GSN: variants seen among roughly 807,000 people sequenced by gnomAD.
GSN encodes actin-depolymerizing factor.
A neutral mutation model predicts 85.7 loss-of-function variants in GSN; 56 were observed. The ratio of observed to expected loss-of-function variants is 0.65; its 90% CI spans 0.53 to 0.82. The LOEUF is 0.82. Ranked by LOEUF, GSN falls within the 40% of genes least tolerant of loss-of-function variation. GSN has a pLI of 0.00. For synonymous variants in GSN, 373 were observed against 399.1 expected (o/e 0.93, Z 0.78); for missense variants, 857 against 979.8 (o/e 0.87, Z 1.67).
In GSN at chr9:121,316,860, G is replaced by A. The variant is rs73660437; in HGVS notation, c.754-226G>A. Reference sequence around the variant, plus strand: ...CACCCAATTCCCCAAATTTTATCCCGCCCTCCCTTCCCATGTGCAGTTTGT... The same window carrying A: ...CACCCAATTCCCCAAATTTTATCCCACCCTCCCTTCCCATGTGCAGTTTGT... On this transcript the variant is annotated intron_variant, in intron 7 of 17. Coordinates refer to ENST00000432226, the MANE Select transcript of GSN (RefSeq NM_198252.3). Among the ~76,000 whole-genome samples the A allele has an allele frequency of 3.4e-3, 509 of 149,778 alleles. 2 individuals are homozygous for A. The highest frequency in any genetic ancestry group is 0.012 in the African/African-American group (492 of 41,058).
At position 121,321,327 on chromosome 9, in the gene GSN, C is replaced by G. The variant is rs1299082302; in HGVS notation, c.1251C>G (p.Phe417Leu). ...VPVDPATYGQ[F>L]YGGDSYIILY... ...TGGACCCTGCCACATATGGACAGTT[C>G]TATGGAGGCGACAGCTACATCATTC... The change falls in exon 11 of 18, where the codon TTC becomes TTG. Residue 417 changes from phenylalanine to leucine, a missense_variant. Phe to Leu is a conservative substitution (Grantham distance 22). Coordinates refer to ENST00000432226, the MANE Select transcript of GSN (RefSeq NM_198252.3). 1 of 1,613,840 alleles carries G rather than the reference C, an allele frequency of 6.2e-7. No individual in the cohort carries two copies. The highest frequency in any genetic ancestry group is 1.3e-5 in the African/African-American group (1 of 75,028).
rs73660429 is a variant in GSN, at chr9:121,275,073, G to C, written c.-102-6397G>C. Among the ~76,000 whole-genome samples the C allele has an allele frequency of 3.5e-4, 54 of 152,316 alleles. 1 individual carries two copies. In the South Asian group the frequency reaches 0.01, roughly 29 times the overall value. ...GCATTCTTCAGGAGCATCTGAAGCT[G>C]GTTATAAAAAGCTCAGCTGTCCTTT... is the stretch of plus-strand genomic sequence containing the variant. On this transcript the variant is annotated intron_variant, in intron 1 of 17. Transcript: ENST00000432226.
chr9:121,304,946 G>A (rs570467310), intron 4 of GSN, among the ~76,000 whole-genome samples: 1 of 152,304 alleles, frequency 6.6e-6, no homozygotes, highest in East Asian at 1.9e-4. Flanking sequence ...CAGGTGGGGT[G>A]ATGTGGGATC....
At chr9:121,263,491 G>A (rs2055130121), upstream of GSN, among the ~76,000 whole-genome samples, 1 of 152,170 alleles carries the variant, frequency 6.6e-6, no homozygotes, top group Non-Finnish European at 1.5e-5. Flanking sequence ...ACATGGCTGG[G>A]AGGCCTCAGG....
At chr9:121,259,584 C>G (rs999401042) in intron 6 of GSN, among the ~76,000 whole-genome samples, 1 of 152,088 alleles carries the variant, frequency 6.6e-6, no homozygotes, top group Non-Finnish European at 1.5e-5. Context: ...GGCATAGGGG[C>G]ATGGGGTTCA....
Position 121,310,864 on chromosome 9 carries a change from T to C in GSN, c.513+19T>C, listed in dbSNP as rs79969850. The C allele has an allele frequency of 1.4e-3, 2,326 of 1,613,058 alleles. 33 individuals carry two copies. The African/African-American group carries it at 0.027, about 19-fold the overall frequency. On this transcript the variant is annotated intron_variant, in intron 5 of 17. Coordinates refer to ENST00000432226, the MANE Select transcript of GSN (RefSeq NM_198252.3). ...GGGCAACGTGAGTCCTGCTTTCCTC[T>C]TTCCCAGGAGCCACTGAGGTGCTCC... is the stretch of plus-strand genomic sequence containing the variant.
chr9:121,211,609 A>G (rs1038835793), intron 4 of GSN, among the ~76,000 whole-genome samples: 2 of 152,230 alleles, frequency 1.3e-5, no homozygotes, highest in Non-Finnish European at 2.9e-5. Flanking sequence ...GCTTGAGGTT[A>G]GGACTTAGCT....
intron 2 of GSN, among the ~76,000 whole-genome samples, chr9:121,290,254 C>T (rs1308898835): frequency 6.6e-6 from 1 of 152,164 alleles, no homozygotes; most frequent in Non-Finnish European, 1.5e-5. Flanking sequence ...CAGAAGGCAG[C>T]ACCCACACGG....
At position 121,313,943 on chromosome 9, in the gene GSN, C is replaced by T. The variant is rs766073307; in HGVS notation, c.673C>T (p.Pro225Ser). The T allele has an allele frequency of 1.9e-6, 3 of 1,613,808 alleles. No individual in the cohort carries two copies. Among genetic ancestry groups the T allele is most frequent in the East Asian group, 4.5e-5 (2 of 44,902 alleles). The change falls in exon 7 of 18, where the codon CCC (proline) becomes TCC (serine). Residue 225 changes from proline (P) to serine (S), a missense_variant. Physicochemically the swap from Pro to Ser is moderately conservative, Grantham distance 74. Transcript: ENST00000432226. ...TCTCTATCTCCTACAGGTGCTGGGC[C>T]CCAAGCCGGCTCTGCCTGCAGGTAC... ...EPEAMLQVLGPKPALPAGTED... is the reference protein window; with the variant it reads ...EPEAMLQVLGSKPALPAGTED...
At chr9:121,268,417 G>T (rs2055384421) in intron 1 of GSN, among the ~76,000 whole-genome samples, 198 bp downstream of exon 1, 1 of 152,184 alleles carries the variant, frequency 6.6e-6, no homozygotes, top group Admixed American at 6.5e-5. Context: ...GGGAGTTGGG[G>T]GATGGGGAGA....
At chr9:121,205,002 T>C (rs2053859637), upstream of GSN, among the ~76,000 whole-genome samples, 1 of 152,260 alleles carries the variant, frequency 6.6e-6, no homozygotes, top group African/African-American at 2.4e-5. Flanking sequence ...CCTGGATCTG[T>C]TGCTGAAGCC....
intron 5 of GSN, among the ~76,000 whole-genome samples, chr9:121,241,169 T>G (rs2054596381): frequency 6.6e-6 from 1 of 152,176 alleles, no homozygotes; most frequent in African/African-American, 2.4e-5. Flanking sequence ...AAGAATAAAC[T>G]CGGAAAGAAG....
At position 121,234,513 on chromosome 9, in the gene GSN, G is replaced by A. The variant is rs573981853; in HGVS notation, c.-389+3210G>A. On this transcript the variant is annotated intron_variant, in intron 5 of 24. Coordinates refer to the GSN transcript ENST00000373823. ...TGCTCCTGGGTCATGGGTGGGGTCTGTTAGGTGAAGAGTGAATCCCACAGG... is the reference window on the plus strand; with the variant it reads ...TGCTCCTGGGTCATGGGTGGGGTCTATTAGGTGAAGAGTGAATCCCACAGG... 1.0e-3 allele frequency among the ~76,000 whole-genome samples: 159 copies of A among 152,328 alleles called. 2 individuals are homozygous for A. Among genetic ancestry groups the A allele is most frequent in the African/African-American group, 3.7e-3 (155 of 41,586 alleles).
rs2061925113 is a variant in GSN at position 121,318,056 on chromosome 9, C to T, written c.887-350C>T. 6.6e-6 allele frequency among the ~76,000 whole-genome samples: 1 copy of T among 152,240 alleles called. No individual in the cohort carries two copies. Among genetic ancestry groups the T allele is most frequent in the Non-Finnish European group, 1.5e-5 (1 of 68,042 alleles). On this transcript the variant is annotated intron_variant, in intron 8 of 17. Coordinates refer to ENST00000432226, the MANE Select transcript of GSN (RefSeq NM_198252.3). The surrounding 1 kb of genome is among the most constrained non-coding windows in gnomAD (Gnocchi z 4.3). Reference sequence around the variant, plus strand: ...AGTAACCTAGGTCAAGTAATTTAATCTCTCTAAGACCCTAGCTTCCTTATA... The same window carrying T: ...AGTAACCTAGGTCAAGTAATTTAATTTCTCTAAGACCCTAGCTTCCTTATA...
At chr9:121,247,227 G>T (rs1206078534) in intron 5 of GSN, among the ~76,000 whole-genome samples, 1 of 152,152 alleles carries the variant, frequency 6.6e-6, no homozygotes, top group Non-Finnish European at 1.5e-5. Flanking sequence ...GGATAGTCAG[G>T]AACCAGCCAG....
At chr9:121,296,503 C>T (rs1332517424) in intron 2 of GSN, among the ~76,000 whole-genome samples, 6 of 152,136 alleles carry the variant, frequency 3.9e-5, no homozygotes. Flanking sequence ...GGTTGTACAA[C>T]CAGTATCTGG....
intron 6 of GSN, among the ~76,000 whole-genome samples, chr9:121,253,809 C>T (rs1180329261): frequency 6.6e-6 from 1 of 152,134 alleles, no homozygotes; most frequent in African/African-American, 2.4e-5. Flanking sequence ...AAACAATGTC[C>T]CTTGAAACCC....
upstream of GSN, among the ~76,000 whole-genome samples, chr9:121,205,033 C>G (rs117335954): frequency 6.6e-6 from 1 of 152,142 alleles, no homozygotes; most frequent in Non-Finnish European, 1.5e-5. Flanking sequence ...AATAAAAAGC[C>G]CACAAGGAGC....
intron 4 of GSN, among the ~76,000 whole-genome samples, chr9:121,217,861 C>T (rs2132098171): frequency 6.7e-6 from 1 of 149,978 alleles, no homozygotes; most frequent in South Asian, 2.1e-4. Flanking sequence ...ACAAGCCCTC[C>T]TTTCTCTGCT....
Sources: allele counts gnomAD v4.1 joint callset (sites outside exome capture counted in the v4.1 genomes callset), GRCh38; gene constraint gnomAD v4.1.1; non-coding constraint Gnocchi (gnomAD v3.1); transcripts MANE v1.5; gene names NCBI Gene and HGNC (gene_info 2026-07-23, HGNC 2026-07-21).